CAST: variants seen among roughly 807,000 people sequenced by gnomAD.
CAST encodes MIR583 host.
In CAST, 76 loss-of-function variants were observed where a neutral mutation model predicts 119.6. The ratio of observed to expected loss-of-function variants is 0.64; its 90% CI spans 0.53 to 0.77. CAST has a LOEUF of 0.77. Ranked by LOEUF, CAST falls within the 30% of genes least tolerant of loss-of-function variation. CAST has a pLI of 0.00. For synonymous variants in CAST, 319 were observed against 331.6 expected, an observed-to-expected ratio of 0.96 and a Z score of 0.41; for missense variants, 953 against 946.5, an observed-to-expected ratio of 1.01 and a Z score of -0.09.
At chr5:96,169,945 T>G in the CAST span, among the ~76,000 whole-genome samples, 7 of 151,990 alleles carry the variant, frequency 4.6e-5, no homozygotes, top group Non-Finnish European at 1.0e-4. Flanking sequence ...TTGGGGAGTT[T>G]TAAGAGGTTT....
At chr5:96,629,503 A>G (rs1047420252) in intron 1 of CAST, among the ~76,000 whole-genome samples, 1 of 152,196 alleles carries the variant, frequency 6.6e-6, no homozygotes, top group African/African-American at 2.4e-5. Flanking sequence ...CGCAGGTATT[A>G]ATTCCTTATA....
the CAST span, among the ~76,000 whole-genome samples, chr5:96,110,235 A>G: frequency 1.6e-4 from 24 of 152,184 alleles, no homozygotes; most frequent in Middle Eastern, 6.8e-3. Context: ...TTTTATCATC[A>G]GGTTTTTTCT....
chr5:96,446,645 C>T, the CAST span, among the ~76,000 whole-genome samples: 92 of 152,280 alleles, frequency 6.0e-4, no homozygotes, highest in African/African-American at 2.1e-3. Context: ...AGATGGAAAT[C>T]TATAAAGTCA....
the CAST span, among the ~76,000 whole-genome samples, chr5:96,147,516 T>G: frequency 9.2e-5 from 14 of 152,060 alleles, 1 homozygote; most frequent in South Asian, 2.9e-3. Flanking sequence ...GGCAGGAGAA[T>G]GGCGTGAACC....
the CAST span, among the ~76,000 whole-genome samples, chr5:96,158,987 C>A: frequency 1.3e-5 from 2 of 152,272 alleles, no homozygotes; most frequent in South Asian, 4.1e-4. Flanking sequence ...TTGTGACCCT[C>A]TTTTGTTCAA....
chr5:96,110,056 G>A, the CAST span, among the ~76,000 whole-genome samples: 1 of 152,070 alleles, frequency 6.6e-6, no homozygotes, highest in Non-Finnish European at 1.5e-5. Flanking sequence ...CTTTGCCAAG[G>A]CCCCTAGAAT....
At chr5:96,315,135 C>T in the CAST span, among the ~76,000 whole-genome samples, 1 of 152,150 alleles carries the variant, frequency 6.6e-6, no homozygotes, top group African/African-American at 2.4e-5. Flanking sequence ...ACTCTTGTCT[C>T]CATTGTTAAA....
chr5:96,227,249 T>C, the CAST span, among the ~76,000 whole-genome samples: 3,759 of 152,330 alleles, frequency 0.025, 167 homozygotes, highest in African/African-American at 0.086. Flanking sequence ...GAATGTTAGT[T>C]GGACAAATTC....
the CAST span, among the ~76,000 whole-genome samples, chr5:96,117,769 A>G: frequency 6.6e-6 from 1 of 152,102 alleles, no homozygotes; most frequent in South Asian, 2.1e-4. Context: ...GGAAGCACCA[A>G]CTCTTTATTT....
At chr5:96,425,066 A>G in the CAST span, among the ~76,000 whole-genome samples, 1 of 140,312 alleles carries the variant, frequency 7.1e-6, no homozygotes, top group African/African-American at 2.6e-5. Context: ...GAAAGAAAGA[A>G]AGAAAGAAAA....
chr5:96,096,495 C>A, the CAST span, among the ~76,000 whole-genome samples: 1 of 152,290 alleles, frequency 6.6e-6, no homozygotes, highest in African/African-American at 2.4e-5. Flanking sequence ...GGGAGGGGAA[C>A]AAAGCCATTG....
At chr5:96,116,253 C>A in the CAST span, among the ~76,000 whole-genome samples, 3 of 152,030 alleles carry the variant, frequency 2.0e-5, no homozygotes, top group Non-Finnish European at 4.4e-5. Context: ...TTTTGAGATC[C>A]ATCTGTATTA....
At chr5:96,421,083 G>A in the CAST span, among the ~76,000 whole-genome samples, 1 of 152,196 alleles carries the variant, frequency 6.6e-6, no homozygotes, top group Middle Eastern at 3.2e-3. Flanking sequence ...TCTCTCCCAT[G>A]GGCATGGACA....
the CAST span, among the ~76,000 whole-genome samples, chr5:96,446,860 A>G: frequency 1.4e-4 from 21 of 152,362 alleles, no homozygotes; most frequent in African/African-American, 5.0e-4. Context: ...GTGGAATATG[A>G]GCATGCCACC....
At chr5:96,094,913 T>C in the CAST span, among the ~76,000 whole-genome samples, 3 of 152,342 alleles carry the variant, frequency 2.0e-5, no homozygotes, top group East Asian at 1.9e-4. Context: ...ACAAAAGTCT[T>C]CCTTATAGTT....
chr5:96,103,504 T>C, the CAST span, among the ~76,000 whole-genome samples: 1 of 151,304 alleles, frequency 6.6e-6, no homozygotes, highest in Admixed American at 6.6e-5. Context: ...TCCAATTTCA[T>C]CCATGTCCCT....
chr5:96,457,978 C>T, the CAST span, among the ~76,000 whole-genome samples: 1 of 152,092 alleles, frequency 6.6e-6, no homozygotes, highest in Admixed American at 6.6e-5. Context: ...CGTATATTTA[C>T]ATAAAAGGAA....
the CAST span, among the ~76,000 whole-genome samples, chr5:96,260,042 C>T: frequency 1.2e-4 from 18 of 151,944 alleles, no homozygotes; most frequent in South Asian, 1.0e-3. Context: ...TTTTTCCATA[C>T]GCCAGAGGAG....
At chr5:95,976,433 A>G in the CAST span, among the ~76,000 whole-genome samples, 5 of 152,110 alleles carry the variant, frequency 3.3e-5, no homozygotes, top group Admixed American at 1.3e-4. Context: ...ATACCAAACC[A>G]GAGGTTATTC....
Sources: allele counts gnomAD v4.1 joint callset (sites outside exome capture counted in the v4.1 genomes callset), GRCh38; gene constraint gnomAD v4.1.1; transcripts MANE v1.5; gene names NCBI Gene and HGNC (gene_info 2026-07-23, HGNC 2026-07-21).